Variants in TBC1D22A observed in about 807,000 individuals in gnomAD.
The protein encoded by TBC1D22A is TBC1 domain family member 22A.
Under a neutral mutation model 60.2 loss-of-function variants are expected in TBC1D22A, and 38 were observed. That is an observed-to-expected ratio of 0.63 (90% CI 0.49 to 0.83). The LOEUF (loss-of-function observed/expected upper bound fraction) is 0.83. Ranked by LOEUF, TBC1D22A falls within the 40% of genes least tolerant of loss-of-function variation. The probability of loss-of-function intolerance (pLI) is 0.00; values close to 1 mark genes in which losing one functional copy is unlikely to be tolerated. For synonymous variants in TBC1D22A, 302 were observed against 281.7 expected (o/e 1.07, Z -0.72); for missense variants, 628 against 701.0 (o/e 0.90, Z 1.18).
intron 4 of TBC1D22A, among the ~76,000 whole-genome samples, chr22:46,839,945 C>G (rs1012257225): frequency 1.3e-5 from 2 of 152,116 alleles, no homozygotes; most frequent in African/African-American, 2.4e-5. Flanking sequence ...CAAAAGTCAA[C>G]TTAAAATGGA....
intron 12 of TBC1D22A, among the ~76,000 whole-genome samples, chr22:47,138,402 T>A (rs1172250869): frequency 6.6e-6 from 1 of 151,994 alleles, no homozygotes; most frequent in Non-Finnish European, 1.5e-5. Context: ...CAAGGTGCTC[T>A]TGGCCTCTGG....
intron 7 of TBC1D22A, among the ~76,000 whole-genome samples, chr22:46,899,501 T>A (rs560571110): frequency 6.6e-6 from 1 of 152,168 alleles, no homozygotes; most frequent in East Asian, 1.9e-4. Flanking sequence ...TGAGTTATGG[T>A]TTCTGGCATT....
chr22:46,838,516 T>G (rs1302202726), intron 4 of TBC1D22A, among the ~76,000 whole-genome samples: 1 of 149,480 alleles, frequency 6.7e-6, no homozygotes, highest in South Asian at 2.1e-4. Context: ...TCTCAAAGTC[T>G]TTCCAAAAAT....
chr22:46,835,964 C>T (rs1428497451), intron 4 of TBC1D22A, among the ~76,000 whole-genome samples: 9 of 151,966 alleles, frequency 5.9e-5, no homozygotes, highest in East Asian at 1.9e-4. Context: ...AAAAACCTGC[C>T]GACTAAGAAT....
rs374154888 is a variant in TBC1D22A at position 46,837,911 on chromosome 22, A to G, written c.637+40291A>G. 4.2e-4 allele frequency among the ~76,000 whole-genome samples: 64 copies of G among 152,240 alleles called. No individual in the cohort carries two copies. In the East Asian group the frequency reaches 0.01, roughly 24 times the overall value. On this transcript the variant is annotated intron_variant, in intron 4 of 12. Transcript: ENST00000337137. Reference sequence around the variant, plus strand: ...CCCCATCTTTATTAAAAATACAAAAATTAGCCAGGTGTGGTGTTGGGTGCC... The same window carrying G: ...CCCCATCTTTATTAAAAATACAAAAGTTAGCCAGGTGTGGTGTTGGGTGCC...
chr22:47,058,535 C>G (rs907501070), intron 11 of TBC1D22A, among the ~76,000 whole-genome samples: 2 of 152,056 alleles, frequency 1.3e-5, no homozygotes, highest in African/African-American at 4.8e-5. Flanking sequence ...TGCCTCCCCT[C>G]CCTTGTCTAC....
At chr22:46,768,421 G>C (rs186843657) in intron 1 of TBC1D22A, among the ~76,000 whole-genome samples, 1,662 of 149,064 alleles carry the variant, frequency 0.011, 17 homozygotes, top group Non-Finnish European at 0.015. Context: ...GGAGGCAGAG[G>C]TTGCAGTGAG....
chr22:47,015,168 G>C (rs758040744), intron 10 of TBC1D22A, among the ~76,000 whole-genome samples: 23 of 152,232 alleles, frequency 1.5e-4, no homozygotes, highest in Non-Finnish European at 2.6e-4. Context: ...CCCAGCAAGT[G>C]ATAGTGTGTG....
chr22:46,792,134 G>T (rs1359896946), intron 1 of TBC1D22A, among the ~76,000 whole-genome samples: 2 of 152,254 alleles, frequency 1.3e-5, no homozygotes, highest in African/African-American at 4.8e-5. Context: ...GATGGCAGGT[G>T]AGAATTCCCA....
chr22:47,072,615 C>T (rs1345506570), intron 11 of TBC1D22A, among the ~76,000 whole-genome samples: 3 of 152,224 alleles, frequency 2.0e-5, no homozygotes, highest in Non-Finnish European at 4.4e-5. Flanking sequence ...CAGGAAGGTG[C>T]CTGACCTGGC....
chr22:47,119,740 C>T (rs2066204826), intron 12 of TBC1D22A, among the ~76,000 whole-genome samples: 2 of 152,290 alleles, frequency 1.3e-5, no homozygotes, highest in South Asian at 4.1e-4. Flanking sequence ...CGTAATCCGC[C>T]CGCCTCAGCC....
chr22:47,016,281 C>T (rs550312127), intron 10 of TBC1D22A, among the ~76,000 whole-genome samples: 10 of 152,298 alleles, frequency 6.6e-5, no homozygotes, highest in South Asian at 2.1e-4. Context: ...GGCAGCCTGG[C>T]AGGGTAGCCC....
chr22:46,985,390 A>G (rs2148183958), intron 9 of TBC1D22A, among the ~76,000 whole-genome samples: 1 of 152,292 alleles, frequency 6.6e-6, no homozygotes, highest in Non-Finnish European at 1.5e-5. Context: ...TCAGAGCCCC[A>G]GTCAATAAAA....
chr22:47,036,432 T>C (rs899389562), intron 10 of TBC1D22A, among the ~76,000 whole-genome samples: 4 of 152,058 alleles, frequency 2.6e-5, no homozygotes, highest in African/African-American at 9.7e-5. Context: ...CACCACAGCT[T>C]GATGAGAGGG....
At chr22:46,933,710 C>T (rs1256715670) in intron 8 of TBC1D22A, among the ~76,000 whole-genome samples, 1 of 152,240 alleles carries the variant, frequency 6.6e-6, no homozygotes, top group East Asian at 1.9e-4. Context: ...CTGCACTGCC[C>T]GGGGCGGGTG....
At chr22:47,078,948 TAC>T (rs2147551142) in intron 11 of TBC1D22A, among the ~76,000 whole-genome samples, 1 of 152,308 alleles carries the variant, frequency 6.6e-6, no homozygotes, top group Non-Finnish European at 1.5e-5. Flanking sequence ...AGCTCTCAGC[TAC>T]AGTGTCCTCA....
intron 7 of TBC1D22A, among the ~76,000 whole-genome samples, chr22:46,909,829 C>CGT (rs1274350112): frequency 6.6e-6 from 1 of 152,170 alleles, no homozygotes; most frequent in Non-Finnish European, 1.5e-5. Flanking sequence ...AGTCACACGC[C>CGT]GTCCCCTGGG....
chr22:46,991,099 C>T (rs546062499), intron 9 of TBC1D22A, among the ~76,000 whole-genome samples: 1 of 152,294 alleles, frequency 6.6e-6, no homozygotes. Flanking sequence ...TTCTTTTAGA[C>T]ACAGTAACTC....
intron 8 of TBC1D22A, among the ~76,000 whole-genome samples, chr22:46,973,584 G>A (rs2074166610): frequency 6.6e-6 from 1 of 152,206 alleles, no homozygotes; most frequent in Admixed American, 6.5e-5. Context: ...TTAAAAATAG[G>A]GAAGATAATT....
Sources: allele counts gnomAD v4.1 joint callset (sites outside exome capture counted in the v4.1 genomes callset), GRCh38; gene constraint gnomAD v4.1.1; transcripts MANE v1.5; gene names NCBI Gene and HGNC (gene_info 2026-07-23, HGNC 2026-07-21).